PHF21B: variants seen among roughly 807,000 people sequenced by gnomAD.
The protein encoded by PHF21B is PHD finger protein 21B, also known as PHD finger protein 4.
Under a neutral mutation model 62.2 loss-of-function variants are expected in PHF21B, and 22 were observed. The ratio of observed to expected loss-of-function variants is 0.35; its 90% confidence interval spans 0.25 to 0.51. The LOEUF (loss-of-function observed/expected upper bound fraction) is 0.51. Among genes scored for constraint, PHF21B ranks in the 20% least tolerant of loss-of-function variants. The pLI is 0.97. For synonymous variants in PHF21B, 341 were observed against 314.7 expected (o/e 1.08, Z -0.88); for missense variants, 701 against 707.9 (o/e 0.99, Z 0.11).
At chr22:44,990,066 GT>G (rs907645153) in intron 2 of PHF21B, among the ~76,000 whole-genome samples, 2 of 152,214 alleles carry the variant, frequency 1.3e-5, no homozygotes, top group African/African-American at 2.4e-5. Flanking sequence ...ACCCATGCCC[GT>G]GTCCCCTGGG....
In PHF21B at chr22:44,916,377, G is replaced by A. The variant is rs774460014; in HGVS notation, c.467C>T (p.Ser156Phe). 1 of 1,592,326 alleles carries A rather than the reference G, an allele frequency of 6.3e-7. No homozygotes were observed. The highest frequency in any genetic ancestry group is 8.5e-7 in the Non-Finnish European group (1 of 1,175,726). The stretch of plus-strand genomic sequence containing the variant: ...GGCCATGGCGGCGGCATTGCTGGGG[G>A]AGGTGGAGATGATGGCGTAGGCCAC... ...AGVAYAIISTSPSNAAAMAPS... is the reference protein window; with the variant it reads ...AGVAYAIISTFPSNAAAMAPS... Residue 156 changes from serine (S) to phenylalanine (F), a missense_variant, in exon 4 of 13, where the codon TCC (serine) becomes TTC (phenylalanine). Transcript: ENST00000313237.
At position 44,913,696 on chromosome 22, in the gene PHF21B, A is replaced by G. The variant is rs561610540; in HGVS notation, c.831+126T>C. The stretch of plus-strand genomic sequence containing the variant: ...GCCCCATCCTGGTCGCCGACTGCAC[A>G]GGGCAGCTGTGCCCACGGCTTGTCG... On this transcript the variant is annotated intron_variant, in intron 5 of 12. Coordinates refer to ENST00000313237, the MANE Select transcript of PHF21B (RefSeq NM_138415.5). The G allele has an allele frequency of 1.3e-5, 18 of 1,351,804 alleles. No homozygotes were observed. The South Asian group carries it at 1.6e-4, about 12-fold the overall frequency. 83.7% of individuals were successfully genotyped at this position (1,351,804 alleles called of 1,614,324 possible). A position where few individuals can be genotyped will look rare whatever the true frequency, so the allele number is the denominator to read the frequency against.
At chr22:44,903,015 T>G (rs1467163469) in intron 5 of PHF21B, among the ~76,000 whole-genome samples, 1 of 152,230 alleles carries the variant, frequency 6.6e-6, no homozygotes, top group Admixed American at 6.5e-5. Context: ...CCACGCCTCC[T>G]CTGCCTCTCC....
intron 2 of PHF21B, among the ~76,000 whole-genome samples, chr22:44,962,592 G>A (rs928471441): frequency 9.2e-5 from 14 of 152,212 alleles, no homozygotes; most frequent in South Asian, 2.1e-4. Flanking sequence ...TCACAAAAGC[G>A]TAGTAAGTGA....
At chr22:44,996,376 T>C (rs2073123248) in intron 2 of PHF21B, among the ~76,000 whole-genome samples, 1 of 152,142 alleles carries the variant, frequency 6.6e-6, no homozygotes, top group Non-Finnish European at 1.5e-5. Flanking sequence ...CTTCACTGAC[T>C]GAGAGGTGGT....
chr22:44,888,083 C>T lies in PHF21B; in HGVS notation c.1077G>A (p.Lys359=). 1 of 1,547,354 alleles carries T rather than the reference C, an allele frequency of 6.5e-7. No individual in the cohort carries two copies. Among genetic ancestry groups the T allele is most frequent in the Non-Finnish European group, 8.7e-7 (1 of 1,146,062 alleles). Residue 359 remains lysine (K), a synonymous_variant, in exon 10 of 13, where the codon AAG becomes AAA. Transcript: ENST00000313237. ...ITHDEHCAAC[K]RGANLQPCGT... is the part of the protein sequence containing the mutation. Reference sequence around the variant, plus strand: ...CGCAGGGCTGCAGGTTGGCCCCTCGCTTGCAGGCGGCACAGTGCTCATCGT... The same window carrying T: ...CGCAGGGCTGCAGGTTGGCCCCTCGTTTGCAGGCGGCACAGTGCTCATCGT...
intron 7 of PHF21B, among the ~76,000 whole-genome samples, chr22:44,892,453 C>A (rs898564693): frequency 6.6e-6 from 1 of 152,348 alleles, no homozygotes; most frequent in Admixed American, 6.5e-5. Context: ...ACGCCTCCCT[C>A]CCACTTGAGC....
intron 2 of PHF21B, among the ~76,000 whole-genome samples, chr22:44,944,254 C>A (rs779519394): frequency 6.6e-6 from 1 of 152,228 alleles, no homozygotes; most frequent in Non-Finnish European, 1.5e-5. Flanking sequence ...AAACCACGTC[C>A]TTTCAAGGGA....
chr22:44,993,978 C>G (rs1039087278), intron 2 of PHF21B, among the ~76,000 whole-genome samples: 1 of 152,216 alleles, frequency 6.6e-6, no homozygotes, highest in African/African-American at 2.4e-5. Flanking sequence ...GTCACAGTTT[C>G]AGAAGATCCT....
intron 2 of PHF21B, among the ~76,000 whole-genome samples, chr22:44,996,542 T>A (rs1241254322): frequency 1.3e-5 from 2 of 151,442 alleles, no homozygotes; most frequent in East Asian, 3.9e-4. Flanking sequence ...TCTCAAACAC[T>A]CAGGCCAGGT....
chr22:44,902,999 G>T, intron 5 of PHF21B, among the ~76,000 whole-genome samples: 1 of 152,244 alleles, frequency 6.6e-6, no homozygotes, highest in Non-Finnish European at 1.5e-5. Context: ...GGGATTCTCT[G>T]GTTAACCACG....
At chr22:44,963,367 T>C (rs915434145) in intron 2 of PHF21B, among the ~76,000 whole-genome samples, 2 of 152,244 alleles carry the variant, frequency 1.3e-5, no homozygotes, top group African/African-American at 4.8e-5. Flanking sequence ...GTTTTGAGGG[T>C]ACTGAGGGTG....
At chr22:44,895,626 C>G (rs1263518687) in intron 6 of PHF21B, among the ~76,000 whole-genome samples, 2 of 152,174 alleles carry the variant, frequency 1.3e-5, no homozygotes, top group South Asian at 2.1e-4. Context: ...AACCTGCCCA[C>G]ACTTAAGAAA....
intron 2 of PHF21B, among the ~76,000 whole-genome samples, chr22:44,954,885 G>A (rs965106876): frequency 6.6e-6 from 1 of 152,216 alleles, no homozygotes; most frequent in African/African-American, 2.4e-5. Flanking sequence ...ATCTTGCCAG[G>A]TGGCACAGAG....
At chr22:44,973,396 T>C (rs948267688) in intron 2 of PHF21B, among the ~76,000 whole-genome samples, 1 of 151,936 alleles carries the variant, frequency 6.6e-6, no homozygotes, top group African/African-American at 2.4e-5. Context: ...CCTCAGAAAA[T>C]TGAGGTTACA....
intron 2 of PHF21B, among the ~76,000 whole-genome samples, chr22:44,987,611 A>G (rs538789773): frequency 1.3e-5 from 2 of 151,884 alleles, no homozygotes; most frequent in East Asian, 3.9e-4. Context: ...AAGAAATCCC[A>G]TGGTCCTCTG....
At chr22:44,888,437 G>A (rs1331140756) in intron 9 of PHF21B, among the ~76,000 whole-genome samples, 2 of 152,092 alleles carry the variant, frequency 1.3e-5, no homozygotes, top group East Asian at 1.9e-4. Context: ...CCCCAGGTGC[G>A]GGCGACAAGG....
At chr22:44,987,608 C>A (rs2147496300) in intron 2 of PHF21B, among the ~76,000 whole-genome samples, 1 of 151,914 alleles carries the variant, frequency 6.6e-6, no homozygotes, top group South Asian at 2.1e-4. Context: ...AGGAAGAAAT[C>A]CCATGGTCCT....
chr22:44,994,246 T>G (rs2073084560), intron 2 of PHF21B, among the ~76,000 whole-genome samples: 1 of 152,200 alleles, frequency 6.6e-6, no homozygotes, highest in African/African-American at 2.4e-5. Flanking sequence ...GGAAATAGGG[T>G]CATTACAGAT....
Sources: allele counts gnomAD v4.1 joint callset (sites outside exome capture counted in the v4.1 genomes callset), GRCh38; gene constraint gnomAD v4.1.1; transcripts MANE v1.5; gene names NCBI Gene and HGNC (gene_info 2026-07-23, HGNC 2026-07-21).